The following SIGLEC15 variants were observed in gnomAD, a reference collection of about 807,000 sequenced individuals.
The protein encoded by SIGLEC15 is sialic acid binding Ig like lectin 15.
Under a neutral mutation model 26.2 loss-of-function variants are expected in SIGLEC15, and 31 were observed. The observed-to-expected ratio is 1.18, with a 90% confidence interval of 0.89 to 1.60. The LOEUF (loss-of-function observed/expected upper bound fraction) is 1.60. Ranked by LOEUF, SIGLEC15 falls within the 40% of genes most tolerant of loss-of-function variation. The probability of loss-of-function intolerance (pLI) is 0.00; values close to 1 mark genes in which losing one functional copy is unlikely to be tolerated. For synonymous variants in SIGLEC15, 207 were observed against 221.9 expected (o/e 0.93, Z 0.60); for missense variants, 501 against 488.4 (o/e 1.03, Z -0.24).
chr18:45,827,419 G>T (rs2048194252), intron 1 of SIGLEC15, among the ~76,000 whole-genome samples: 1 of 152,182 alleles, frequency 6.6e-6, no homozygotes, highest in Admixed American at 6.5e-5. Context: ...CTTTTCCCAA[G>T]TTGACCTAAC....
At chr18:45,831,272 A>G (rs2048233026) in intron 1 of SIGLEC15, among the ~76,000 whole-genome samples, 1 of 152,164 alleles carries the variant, frequency 6.6e-6, no homozygotes. Context: ...TTCTCCAAAT[A>G]GTCTCTTTGA....
At chr18:45,835,591 GGT>G (rs1055501610) in intron 1 of SIGLEC15, among the ~76,000 whole-genome samples, 9 of 152,122 alleles carry the variant, frequency 5.9e-5, no homozygotes, top group African/African-American at 2.2e-4. Flanking sequence ...CCACTCCAAG[GGT>G]GTGATACTGT....
intron 1 of SIGLEC15, 96 bp downstream of exon 1, chr18:45,825,876 G>T (rs2048181230): frequency 1.4e-6 from 2 of 1,459,800 alleles, no homozygotes; most frequent in Admixed American, 1.7e-5. Flanking sequence ...GGAAGCAGGT[G>T]TGCAGAGCCT....
chr18:45,840,122 C>T, intron 4 of SIGLEC15, 89 bp from the exon 5 acceptor site: 1 of 1,464,206 alleles, frequency 6.8e-7, no homozygotes, highest in Non-Finnish European at 9.5e-7. Context: ...TCCTCGAGAC[C>T]CCTTCCACAT....
At chr18:45,835,654 G>A (rs1034169683) in intron 1 of SIGLEC15, among the ~76,000 whole-genome samples, 4 of 152,162 alleles carry the variant, frequency 2.6e-5, no homozygotes, top group African/African-American at 9.7e-5. Context: ...ATGTCCAATT[G>A]TTTGTGGCAC....
chr18:45,835,509 A>G (rs2048269445), intron 1 of SIGLEC15, among the ~76,000 whole-genome samples: 1 of 152,220 alleles, frequency 6.6e-6, no homozygotes, highest in African/African-American at 2.4e-5. Context: ...CAGGAAGAGA[A>G]GAGAAAAAAT....
rs761546128 is a variant in SIGLEC15 at position 45,825,786 on chromosome 18, T to G, written c.52+6T>G. The G allele has an allele frequency of 1.2e-6, 2 of 1,614,060 alleles. No individual in the cohort carries two copies. Among genetic ancestry groups the G allele is most frequent in the African/African-American group, 1.3e-5 (1 of 74,932 alleles). ...GGCGTGGGTTCTCCCGACAGGTGAG[T>G]GTCTGCTACTCTCTCTGGCCCATGC... is the stretch of plus-strand genomic sequence containing the variant. On this transcript the variant is annotated splice_donor_region_variant and intron_variant, in intron 1 of 5. Coordinates refer to ENST00000389474, the MANE Select transcript of SIGLEC15 (RefSeq NM_213602.3).
intron 1 of SIGLEC15, among the ~76,000 whole-genome samples, chr18:45,831,695 A>G (rs573477721): frequency 5.5e-4 from 84 of 152,290 alleles, no homozygotes; most frequent in African/African-American, 1.9e-3. Flanking sequence ...CAGCTGGTCC[A>G]ACATGCTAAA....
At chr18:45,831,903 A>C (rs547090857) in intron 1 of SIGLEC15, among the ~76,000 whole-genome samples, 6 of 152,056 alleles carry the variant, frequency 3.9e-5, no homozygotes, top group Non-Finnish European at 8.8e-5. Context: ...GCGCCCAGCT[A>C]ATTTTTGTGT....
Position 45,838,842 on chromosome 18 carries a change from C to T in SIGLEC15, c.621C>T (p.Ser207=). Residue 207 remains serine, a synonymous_variant, in exon 4 of 6, where the codon AGC becomes AGT. Coordinates refer to ENST00000389474, the MANE Select transcript of SIGLEC15 (RefSeq NM_213602.3). ...LAWSGPALGN[S]LAAVRSPREG... The stretch of plus-strand genomic sequence containing the variant: ...GGTCCGGCCCGGCCCTGGGCAACAG[C>T]TTGGCAGCCGTGCGGAGCCCGCGTG... 1 of 1,571,280 alleles carries T rather than the reference C, an allele frequency of 6.4e-7. No homozygotes were observed. The highest frequency in any genetic ancestry group is 8.6e-7 in the Non-Finnish European group (1 of 1,164,244).
chr18:45,838,957 T>C lies in SIGLEC15; in HGVS notation c.736T>C (p.Ser246Pro). 6.2e-7 allele frequency: 1 copy of C among 1,604,702 alleles called. No individual in the cohort carries two copies. The highest frequency in any genetic ancestry group is 1.3e-5 in the African/African-American group (1 of 74,294). ...TCTAANSLGRSEASVYLFRFH... is the reference protein window; with the variant it reads ...TCTAANSLGRPEASVYLFRFH... ...TACGGCCGCCAACAGCCTGGGCCGC[T>C]CCGAGGCCAGCGTCTACCTGTTCCG... is the stretch of plus-strand genomic sequence containing the variant. Residue 246 changes from serine (S) to proline (P), a missense_variant, in exon 4 of 6, where the codon TCC becomes CCC. Physicochemically the swap from Ser to Pro is moderately conservative, Grantham distance 74. Coordinates refer to ENST00000389474, the MANE Select transcript of SIGLEC15 (RefSeq NM_213602.3).
rs1172008787 is a variant in SIGLEC15 at position 45,836,663 on chromosome 18, G to A, written c.53-366G>A. Among the ~76,000 whole-genome samples the A allele has an allele frequency of 2.0e-5, 3 of 152,236 alleles. No individual in the cohort carries two copies. The East Asian group carries it at 5.8e-4, about 29-fold the overall frequency. On this transcript the variant is annotated intron_variant, in intron 1 of 5. Coordinates refer to ENST00000389474, the MANE Select transcript of SIGLEC15 (RefSeq NM_213602.3). ...GGTGCTTGCACAGAGCAAGGAGGCA[G>A]TGAAACAGCCCACCTCTCTGGTCTC... is the stretch of plus-strand genomic sequence containing the variant.
Position 45,837,043 on chromosome 18 carries a change from A to G in SIGLEC15, c.67A>G (p.Thr23Ala), listed in dbSNP as rs375471674. 1 of 1,512,328 alleles carries G rather than the reference A, an allele frequency of 6.6e-7. No homozygotes were observed. Among genetic ancestry groups the G allele is most frequent in the Non-Finnish European group, 9.2e-7 (1 of 1,087,486 alleles). 93.7% of individuals were successfully genotyped at this position (1,512,328 alleles called of 1,614,324 possible). Reference sequence around the variant, plus strand: ...TTTATCTGTAGGCTCATTTGTGAGAACTAAAATAGATACTACGGAGAACTT... The same window carrying G: ...TTTATCTGTAGGCTCATTTGTGAGAGCTAAAATAGATACTACGGAGAACTT... ...WVLPTGSFVR[T>A]KIDTTENLLN... is the part of the protein sequence containing the mutation. The change falls in exon 2 of 6, where the codon ACT (threonine) becomes GCT (alanine). Residue 23 changes from threonine (T) to alanine (A), a missense_variant. By Grantham distance (58) the Thr-to-Ala change is moderately conservative. Coordinates refer to ENST00000389474, the MANE Select transcript of SIGLEC15 (RefSeq NM_213602.3).
rs1007872603 is a variant in SIGLEC15 at position 45,839,086 on chromosome 18, C to T, written c.865C>T (p.Arg289Cys). The T allele has an allele frequency of 3.5e-6, 5 of 1,422,562 alleles. No individual in the cohort carries two copies. Among genetic ancestry groups the T allele is most frequent in the Non-Finnish European group, 4.5e-6 (5 of 1,099,612 alleles). 88.1% of individuals were successfully genotyped at this position (1,422,562 alleles called of 1,614,324 possible). Residue 289 changes from arginine (R) to cysteine (C), a missense_variant, in exon 4 of 6, where the codon CGC becomes TGC. Coordinates refer to ENST00000389474, the MANE Select transcript of SIGLEC15 (RefSeq NM_213602.3). ...LGVLAARAAR[R>C]RPEHLDTPDT... ...GGTCCTGGCCGCCCGCGCTGCCCGCCGCCGCCCAGGTGGGTGCGCCCCAGA... is the reference window on the plus strand; with the variant it reads ...GGTCCTGGCCGCCCGCGCTGCCCGCTGCCGCCCAGGTGGGTGCGCCCCAGA...
chr18:45,839,885 T>A (rs2048310440), intron 4 of SIGLEC15, among the ~76,000 whole-genome samples: 2 of 152,126 alleles, frequency 1.3e-5, no homozygotes, highest in Non-Finnish European at 2.9e-5. Context: ...CACACTCTAG[T>A]GAGATCAGAC....
intron 1 of SIGLEC15, among the ~76,000 whole-genome samples, chr18:45,836,352 T>C (rs909003285): frequency 4.6e-5 from 7 of 152,268 alleles, no homozygotes; most frequent in Middle Eastern, 6.8e-3. Flanking sequence ...CCTTTGGAAC[T>C]ACAAGAGCTG....
At chr18:45,830,752 A>ATG (rs2048228567) in intron 1 of SIGLEC15, among the ~76,000 whole-genome samples, 1 of 118,140 alleles carries the variant, frequency 8.5e-6, no homozygotes, top group Non-Finnish European at 1.7e-5. Flanking sequence ...TGCCAGGCTA[A>ATG]TTTTTTTTTT....
At chr18:45,826,751 C>G (rs1159534248) in intron 1 of SIGLEC15, among the ~76,000 whole-genome samples, 5 of 152,200 alleles carry the variant, frequency 3.3e-5, no homozygotes, top group Admixed American at 3.3e-4. Flanking sequence ...AACTCCCACA[C>G]CTTAGACCCC....
intron 2 of SIGLEC15, 49 bp from the exon 3 acceptor site, chr18:45,837,464 C>A: frequency 3.5e-6 from 5 of 1,424,348 alleles, no homozygotes; most frequent in Non-Finnish European, 4.5e-6. Context: ...CGGGTGCGGG[C>A]GCCTCGACCC....
Sources: allele counts gnomAD v4.1 joint callset (sites outside exome capture counted in the v4.1 genomes callset), GRCh38; gene constraint gnomAD v4.1.1; transcripts MANE v1.5; gene names NCBI Gene and HGNC (gene_info 2026-07-23, HGNC 2026-07-21).